ACSS3: variants seen among roughly 807,000 people sequenced by gnomAD.
ACSS3 encodes acyl-CoA synthetase short chain family member 3.
Under a neutral mutation model 84.2 loss-of-function variants are expected in ACSS3, and 64 were observed. The ratio of observed to expected loss-of-function variants is 0.76; its 90% CI spans 0.62 to 0.94. The LOEUF (loss-of-function observed/expected upper bound fraction) is 0.94, where lower values mean the gene tolerates loss of function less well. ACSS3 is among the 40% of genes least tolerant of loss of function. ACSS3 has a pLI of 0.00. For missense variants in ACSS3, 815 were observed against 867.6 expected, an observed-to-expected ratio of 0.94 and a Z score of 0.76; for synonymous variants, 317 against 310.1, an observed-to-expected ratio of 1.02 and a Z score of -0.23.
intron 4 of ACSS3, among the ~76,000 whole-genome samples, chr12:81,140,506 C>A (rs1886041039): frequency 6.6e-6 from 1 of 152,056 alleles, no homozygotes; most frequent in Non-Finnish European, 1.5e-5. Context: ...GATATGAGAA[C>A]AGAGTGTTAA....
chr12:81,201,168 AT>A (rs1222408834), intron 9 of ACSS3, among the ~76,000 whole-genome samples: 1 of 152,188 alleles, frequency 6.6e-6, no homozygotes, highest in East Asian at 1.9e-4. Flanking sequence ...GTGAAGAATT[AT>A]TGCATCTGCA....
At chr12:81,159,056 G>T (rs1323453089) in intron 7 of ACSS3, among the ~76,000 whole-genome samples, 1 of 152,120 alleles carries the variant, frequency 6.6e-6, no homozygotes, top group Non-Finnish European at 1.5e-5. Context: ...TATACGTAAA[G>T]ATTTTTTCTA....
At position 81,135,009 on chromosome 12, in the gene ACSS3, G is replaced by A; in HGVS notation, c.645+5G>A. The A allele has an allele frequency of 3.2e-6, 5 of 1,570,368 alleles. No individual in the cohort carries two copies. Among genetic ancestry groups the A allele is most frequent in the Non-Finnish European group, 4.3e-6 (5 of 1,154,556 alleles). On this transcript the variant is annotated splice_donor_5th_base_variant and intron_variant, in intron 3 of 15. Coordinates refer to ENST00000548058, the MANE Select transcript of ACSS3 (RefSeq NM_024560.4). ...AGTCGCATTGATCATGTAAAGGTAA[G>A]TGCTTTATTTTGGGAAATCAAGTAG...
chr12:81,090,989 CAATT>C (rs1881633584), intron 1 of ACSS3, among the ~76,000 whole-genome samples: 2 of 151,996 alleles, frequency 1.3e-5, no homozygotes, highest in African/African-American at 4.8e-5. Context: ...ATACCTAAAA[CAATT>C]AAGTGCTATG....
chr12:81,165,918 A>T (rs1887381174), intron 7 of ACSS3, among the ~76,000 whole-genome samples: 1 of 152,212 alleles, frequency 6.6e-6, no homozygotes, highest in African/African-American at 2.4e-5. Flanking sequence ...GTGTTGAGTG[A>T]TCAGAACTCT....
chr12:81,230,648 C>T (rs916010886), intron 11 of ACSS3, among the ~76,000 whole-genome samples: 2 of 151,786 alleles, frequency 1.3e-5, no homozygotes, highest in Non-Finnish European at 2.9e-5. Context: ...CACAGAGAGA[C>T]AGGCAAAGAT....
chr12:81,132,698 C>T (rs564089919), intron 2 of ACSS3, among the ~76,000 whole-genome samples: 1 of 152,260 alleles, frequency 6.6e-6, no homozygotes, highest in East Asian at 1.9e-4. Context: ...TGGTGGGCAT[C>T]TTCCATCAAC....
chr12:81,134,270 T>C (rs562046999), intron 2 of ACSS3, among the ~76,000 whole-genome samples: 77 of 152,302 alleles, frequency 5.1e-4, no homozygotes, highest in Middle Eastern at 3.4e-3. Context: ...TGAACCTTAT[T>C]ACCTTATCTT....
intron 9 of ACSS3, among the ~76,000 whole-genome samples, chr12:81,208,916 GA>G (rs2032468202): frequency 6.6e-6 from 1 of 152,028 alleles, no homozygotes; most frequent in South Asian, 2.1e-4. Flanking sequence ...TTCCCCAGAA[GA>G]AATACCTTTT....
chr12:81,132,483 A>G (rs1885567884), intron 2 of ACSS3, among the ~76,000 whole-genome samples: 2 of 151,980 alleles, frequency 1.3e-5, no homozygotes, highest in African/African-American at 2.4e-5. Context: ...TATCCCCTTT[A>G]TCATTTTTTA....
At chr12:81,236,029 C>G (rs759952972) in intron 13 of ACSS3, among the ~76,000 whole-genome samples, 1 of 151,390 alleles carries the variant, frequency 6.6e-6, no homozygotes, top group Non-Finnish European at 1.5e-5. Context: ...CTGGTAAGAG[C>G]AGACACCCTT....
chr12:81,160,074 G>T (rs1452207080), intron 7 of ACSS3, among the ~76,000 whole-genome samples: 1 of 152,176 alleles, frequency 6.6e-6, no homozygotes, highest in Non-Finnish European at 1.5e-5. Flanking sequence ...ACTGTTCCTT[G>T]GCTAGAGTAT....
intron 9 of ACSS3, among the ~76,000 whole-genome samples, chr12:81,214,397 A>G (rs1263994806): frequency 1.3e-5 from 2 of 152,192 alleles, no homozygotes; most frequent in African/African-American, 2.4e-5. Context: ...TGAATTACTA[A>G]TGTTCAAAGT....
Position 81,110,733 on chromosome 12 carries a change from C to T in ACSS3, c.456+1029C>T, listed in dbSNP as rs563897980. Among the ~76,000 whole-genome samples, 58 of 152,268 alleles carry T rather than the reference C, an allele frequency of 3.8e-4. 1 individual carries two copies. The highest frequency in any genetic ancestry group is 3.4e-3 in the Middle Eastern group (1 of 294). ...CCACCTCCCTGAGTTGTGACGTCTG[C>T]GCACATAGCTAATGTCTGCTGAGTG... On this transcript the variant is annotated intron_variant, in intron 2 of 15. Transcript: ENST00000548058.
intron 2 of ACSS3, among the ~76,000 whole-genome samples, chr12:81,114,021 C>G (rs1157289768): frequency 6.6e-6 from 1 of 152,008 alleles, no homozygotes; most frequent in African/African-American, 2.4e-5. Context: ...TTTATTTTCA[C>G]CATCACTAAT....
chr12:81,155,893 C>A (rs1028530462), intron 7 of ACSS3, among the ~76,000 whole-genome samples: 3 of 152,124 alleles, frequency 2.0e-5, no homozygotes, highest in Non-Finnish European at 4.4e-5. Context: ...TTGACATCAT[C>A]AACCAACAAG....
At chr12:81,238,344 A>T (rs1263663291) in intron 13 of ACSS3, among the ~76,000 whole-genome samples, 2 of 151,692 alleles carry the variant, frequency 1.3e-5, no homozygotes, top group East Asian at 3.9e-4. Flanking sequence ...CTATGGGGCC[A>T]GCATTGTTCC....
In ACSS3 at chr12:81,152,088, T is replaced by G. The variant is rs1205796933; in HGVS notation, c.1090T>G (p.Leu364Val). ...TCTTCTTCATGGGAACACAACAGTTTTATATGAGGTAATAAAGTAAAGTTA... is the reference window on the plus strand; with the variant it reads ...TCTTCTTCATGGGAACACAACAGTTGTATATGAGGTAATAAAGTAAAGTTA... ...GPLLHGNTTV[L>V]YEGKPVGTPD... The change falls in exon 7 of 16, where the codon TTA becomes GTA. Residue 364 changes from leucine (L) to valine (V), a missense_variant. Physicochemically the swap from Leu to Val is conservative, Grantham distance 32 (BLOSUM62 1). Transcript: ENST00000548058. 1 of 1,610,024 alleles carries G rather than the reference T, an allele frequency of 6.2e-7. No individual in the cohort carries two copies. Among genetic ancestry groups the G allele is most frequent in the East Asian group, 2.2e-5 (1 of 44,840 alleles).
intron 1 of ACSS3, among the ~76,000 whole-genome samples, chr12:81,091,483 A>G (rs996437809): frequency 6.6e-6 from 1 of 151,982 alleles, no homozygotes; most frequent in Non-Finnish European, 1.5e-5. Context: ...GATCTCCTAC[A>G]TATGTCTAGC....
Sources: gnomAD v4.1 joint callset for allele counts (sites outside exome capture counted in the v4.1 genomes callset) on GRCh38, gnomAD v4.1.1 for gene constraint, MANE v1.5 for transcripts, NCBI Gene and HGNC (gene_info 2026-07-23, HGNC 2026-07-21) for gene names.